KL: variants seen among roughly 807,000 people sequenced by gnomAD.
KL encodes klotho, also known as alpha-klotho.
KL carries 62 observed loss-of-function variants against 84.2 expected under a neutral mutation model. That is an observed-to-expected ratio of 0.74 (90% confidence interval 0.60 to 0.91). The LOEUF (loss-of-function observed/expected upper bound fraction) is 0.91, where lower values mean the gene tolerates loss of function less well. Among genes scored for constraint, KL ranks in the 40% least tolerant of loss-of-function variants. The probability of loss-of-function intolerance (pLI) is 0.00; values close to 1 mark genes in which losing one functional copy is unlikely to be tolerated. For synonymous variants in KL, 528 were observed against 528.0 expected (o/e 1.00, Z 0.00); for missense variants, 1,261 against 1,305.7 (o/e 0.97, Z 0.53).
chr13:33,034,976 A>T (rs1171841593), intron 1 of KL, among the ~76,000 whole-genome samples: 1 of 152,126 alleles, frequency 6.6e-6, no homozygotes, highest in Non-Finnish European at 1.5e-5. Context: ...TTCTATTTTG[A>T]TTTTCAAAAT....
intron 4 of KL, 21 bp from the exon 5 acceptor site, chr13:33,063,828 C>T: frequency 6.2e-7 from 1 of 1,605,038 alleles, no homozygotes; most frequent in Non-Finnish European, 8.5e-7. Context: ...TAACTACTCT[C>T]CTATCCTTTT....
intron 4 of KL, 62 bp downstream of exon 4, chr13:33,061,842 A>G: frequency 6.5e-7 from 1 of 1,549,272 alleles, no homozygotes; most frequent in Non-Finnish European, 8.8e-7. Context: ...ATGACACTTG[A>G]TTAAATCTCC....
intron 1 of KL, among the ~76,000 whole-genome samples, chr13:33,042,064 A>C (rs1323961489): frequency 6.6e-6 from 1 of 152,192 alleles, no homozygotes; most frequent in African/African-American, 2.4e-5. Flanking sequence ...AAAGCTAAAT[A>C]TATATATTTT....
At position 33,055,137 on chromosome 13, in the gene KL, G is replaced by A. The variant is rs747471621; in HGVS notation, c.1421G>A (p.Arg474His). ...TGGCACAGAGGTTACAGCATCAGGC[G>A]TGGACTCTTCTATGTTGACTTTCTA... ...FEWHRGYSIR[R>H]GLFYVDFLSQ... is the part of the protein sequence containing the mutation. Residue 474 changes from arginine to histidine, a missense_variant, in exon 3 of 5, where the codon CGT (arginine) becomes CAT (histidine). Transcript: ENST00000380099. 3.7e-6 allele frequency: 6 copies of A among 1,614,178 alleles called. No individual in the cohort carries two copies. Among genetic ancestry groups the A allele is most frequent in the Non-Finnish European group, 5.1e-6 (6 of 1,180,040 alleles).
At chr13:33,044,434 TTCCAA>T (rs1168832026) in intron 1 of KL, among the ~76,000 whole-genome samples, 1 of 152,156 alleles carries the variant, frequency 6.6e-6, no homozygotes, top group Non-Finnish European at 1.5e-5. Flanking sequence ...ATATTGACTC[TTCCAA>T]TCCATGAAAA....
chr13:33,059,950 TAACTC>T (rs776962650), intron 3 of KL, among the ~76,000 whole-genome samples: 3 of 152,218 alleles, frequency 2.0e-5, no homozygotes, highest in Non-Finnish European at 4.4e-5. Flanking sequence ...TTTTCTTACT[TAACTC>T]ACTCAGTTTT....
intron 1 of KL, among the ~76,000 whole-genome samples, chr13:33,033,235 T>G (rs1871036769): frequency 6.6e-6 from 1 of 152,222 alleles, no homozygotes; most frequent in Non-Finnish European, 1.5e-5. Flanking sequence ...CGTGGCTGTT[T>G]CCTGTGTTTA....
intron 1 of KL, among the ~76,000 whole-genome samples, chr13:33,027,265 G>A (rs1005071803): frequency 6.6e-6 from 1 of 152,110 alleles, no homozygotes; most frequent in Non-Finnish European, 1.5e-5. Context: ...CGTTAGTGCC[G>A]GGTCAGCTCC....
intron 1 of KL, among the ~76,000 whole-genome samples, chr13:33,038,948 G>A (rs377380416): frequency 8.6e-5 from 13 of 152,028 alleles, no homozygotes; most frequent in Non-Finnish European, 1.3e-4. Context: ...TACATATTTC[G>A]TTACATAAAA....
In KL at chr13:33,016,871, T is replaced by C. The variant is rs759020369; in HGVS notation, c.431T>C (p.Val144Ala). The change falls in exon 1 of 5, where the codon GTC becomes GCC. Residue 144 changes from valine to alanine, a missense_variant. Physicochemically the swap from Val to Ala is moderately conservative, Grantham distance 64 (BLOSUM62 0). Coordinates refer to ENST00000380099, the MANE Select transcript of KL (RefSeq NM_004795.4). ...RDTEALRELG[V>A]THYRFSISWA... The stretch of plus-strand genomic sequence containing the variant: ...ACGGAGGCGCTGCGCGAGCTCGGGG[T>C]CACTCACTACCGCTTCTCCATCTCG... The C allele has an allele frequency of 6.2e-7, 1 of 1,612,428 alleles. No individual in the cohort carries two copies. Among genetic ancestry groups the C allele is most frequent in the East Asian group, 2.2e-5 (1 of 44,814 alleles).
chr13:33,031,179 A>G (rs545783411), intron 1 of KL, among the ~76,000 whole-genome samples: 2 of 152,236 alleles, frequency 1.3e-5, no homozygotes, highest in Non-Finnish European at 2.9e-5. Flanking sequence ...CATGTTTCCT[A>G]AGAAGCTAAT....
Position 33,017,008 on chromosome 13 carries a change from A to C in KL, c.568A>C (p.Thr190Pro), listed in dbSNP as rs1456866889. Residue 190 changes from threonine (T) to proline (P), a missense_variant, in exon 1 of 5, where the codon ACC becomes CCC. Coordinates refer to ENST00000380099, the MANE Select transcript of KL (RefSeq NM_004795.4). ...GGAGCTGGGCGTGCAGCCCGTGGTCACCCTGTACCACTGGGACCTGCCCCA... is the reference window on the plus strand; with the variant it reads ...GGAGCTGGGCGTGCAGCCCGTGGTCCCCCTGTACCACTGGGACCTGCCCCA... ...LRELGVQPVV[T>P]LYHWDLPQRL... 6.3e-7 allele frequency: 1 copy of C among 1,593,546 alleles called. No individual in the cohort carries two copies.
At chr13:33,036,575 C>T (rs1042536280) in intron 1 of KL, among the ~76,000 whole-genome samples, 1 of 152,144 alleles carries the variant, frequency 6.6e-6, no homozygotes, top group East Asian at 1.9e-4. Context: ...GCAAAACAAT[C>T]TCAGGGAAGG....
chr13:33,026,446 T>TA (rs1555333563), intron 1 of KL, among the ~76,000 whole-genome samples: 1 of 151,194 alleles, frequency 6.6e-6, no homozygotes, highest in Non-Finnish European at 1.5e-5. Context: ...AAGAATGGGG[T>TA]GGGGGGGTCA....
At position 33,017,228 on chromosome 13, in the gene KL, T is replaced by G. The variant is rs1368248860; in HGVS notation, c.788T>G (p.Leu263Arg). Reference protein sequence around the residue: ...LAPGIRGSPRLGYLVAHNLLL... With the variant: ...LAPGIRGSPRRGYLVAHNLLL... ...CCCGGCATCCGGGGCAGCCCGCGGC[T>G]CGGGTACCTGGTGGCGCACAACCTC... The change falls in exon 1 of 5, where the codon CTC becomes CGC. Residue 263 changes from leucine (L) to arginine (R), a missense_variant. Leu to Arg is a moderately radical substitution (Grantham distance 102). Coordinates refer to ENST00000380099, the MANE Select transcript of KL (RefSeq NM_004795.4). 1.3e-6 allele frequency: 2 copies of G among 1,588,566 alleles called. No homozygotes were observed.
At position 33,053,731 on chromosome 13, in the gene KL, C is replaced by T. The variant is rs553349718; in HGVS notation, c.820-36C>T. Reference sequence around the variant, plus strand: ...TATTATATTGCATTTCTCCTCACAACTAGAGATAAATTTGCCATGGTTTTT... The same window carrying T: ...TATTATATTGCATTTCTCCTCACAATTAGAGATAAATTTGCCATGGTTTTT... On this transcript the variant is annotated intron_variant, in intron 1 of 4. Coordinates refer to ENST00000380099, the MANE Select transcript of KL (RefSeq NM_004795.4). The T allele has an allele frequency of 1.9e-6, 3 of 1,604,390 alleles. No individual in the cohort carries two copies. In the South Asian group the frequency reaches 3.3e-5, roughly 18 times the overall value.
At chr13:33,018,993 T>C (rs1004737577) in intron 1 of KL, among the ~76,000 whole-genome samples, 42 of 152,180 alleles carry the variant, frequency 2.8e-4, no homozygotes. Context: ...TCTGATTAAC[T>C]TCTCAGTTAT....
rs568316435 is a variant in KL, at chr13:33,025,942, C to T, written c.819+8683C>T. Reference sequence around the variant, plus strand: ...TGTGCAAAGATAAGAGGAAGTTTACCGCTGATGGTGGTTTATTCTTTAAAA... The same window carrying T: ...TGTGCAAAGATAAGAGGAAGTTTACTGCTGATGGTGGTTTATTCTTTAAAA... On this transcript the variant is annotated intron_variant, in intron 1 of 4. Coordinates refer to ENST00000380099, the MANE Select transcript of KL (RefSeq NM_004795.4). 2.1e-4 allele frequency among the ~76,000 whole-genome samples: 32 copies of T among 152,170 alleles called. No individual in the cohort carries two copies. In the South Asian group the frequency reaches 3.9e-3, roughly 19 times the overall value.
chr13:33,055,174 G>A lies in KL; in HGVS notation c.1458G>A (p.Lys486=), dbSNP rs1871910493. ...ATGTTGACTTTCTAAGCCAGGACAA[G>A]ATGTTGTTGCCAAAGTCTTCAGCCT... ...LFYVDFLSQD[K]MLLPKSSALF... is the part of the protein sequence containing the mutation. The change falls in exon 3 of 5, where the codon AAG becomes AAA. Residue 486 remains lysine, a synonymous_variant. Transcript: ENST00000380099. 1.9e-6 allele frequency: 3 copies of A among 1,614,234 alleles called. No homozygotes were observed.
Sources: allele counts gnomAD v4.1 joint callset (sites outside exome capture counted in the v4.1 genomes callset), GRCh38; gene constraint gnomAD v4.1.1; transcripts MANE v1.5; gene names NCBI Gene and HGNC (gene_info 2026-07-23, HGNC 2026-07-21).